Variants in SOS2 observed in about 807,000 individuals in gnomAD.
The protein encoded by SOS2 is SOS Ras/Rho guanine nucleotide exchange factor 2.
A neutral mutation model predicts 148.2 loss-of-function variants in SOS2; 65 were observed. The ratio of observed to expected loss-of-function variants is 0.44; its 90% CI spans 0.36 to 0.54. The LOEUF (loss-of-function observed/expected upper bound fraction) is 0.54. Among genes scored for constraint, SOS2 ranks in the 20% least tolerant of loss-of-function variants. The pLI is 0.00. For synonymous variants in SOS2, 539 were observed against 537.1 expected (o/e 1.00, Z -0.05); for missense variants, 1,341 against 1,590.2 (o/e 0.84, Z 2.67).
intron 10 of SOS2, 72 bp downstream of exon 10, chr14:50,159,359 T>C (rs1884925246): frequency 1.0e-6 from 1 of 971,156 alleles, no homozygotes; most frequent in Admixed American, 2.5e-5. Flanking sequence ...AAGCCTCAAA[T>C]ATTTTTGAGC....
In SOS2 at chr14:50,180,634, G is replaced by A. The variant is rs1566840605; in HGVS notation, c.907C>T (p.Pro303Ser). ...YETLSQDILS[P>S]EFHEHFNKLM... ...TTATTGAAATGTTCATGAAACTCTG[G>A]TGAAAGAATGTCCTGTGATAATGTT... is the stretch of plus-strand genomic sequence containing the variant. Residue 303 changes from proline to serine, a missense_variant, in exon 7 of 23, where the codon CCA (proline) becomes TCA (serine). This residue lies in a region of SOS2 where 574 missense variants were observed against 711.1 expected (regional missense o/e 0.81). Coordinates refer to ENST00000216373, the MANE Select transcript of SOS2 (RefSeq NM_006939.4). 4 of 1,605,168 alleles carry A rather than the reference G, an allele frequency of 2.5e-6. No homozygotes were observed. Among genetic ancestry groups the A allele is most frequent in the Admixed American group, 3.4e-5 (2 of 58,418 alleles).
chr14:50,174,567 G>T lies in SOS2; in HGVS notation c.970-15C>A. 24 of 1,505,696 alleles carry T rather than the reference G, an allele frequency of 1.6e-5. No individual in the cohort carries two copies. The highest frequency in any genetic ancestry group is 2.0e-5 in the Non-Finnish European group (22 of 1,085,764). 93.3% of individuals were successfully genotyped at this position (1,505,696 alleles called of 1,614,324 possible). ...TCAGCAATGGACTGCAAAGCAAAAA[G>T]ATATCACAGTATGTATGTCTCTGAC... On this transcript the variant is annotated splice_polypyrimidine_tract_variant and intron_variant, in intron 7 of 22. Coordinates refer to ENST00000216373, the MANE Select transcript of SOS2 (RefSeq NM_006939.4).
At chr14:50,226,017 CT>C (rs1232559488) in intron 1 of SOS2, among the ~76,000 whole-genome samples, 8 of 151,418 alleles carry the variant, frequency 5.3e-5, no homozygotes, top group Non-Finnish European at 1.0e-4. Flanking sequence ...CCCCCCCGCC[CT>C]TTTTTTTTCT....
rs1181118975 is a variant in SOS2, at chr14:50,150,017, T to G, written c.2375A>C (p.Asp792Ala). The G allele has an allele frequency of 3.1e-6, 5 of 1,599,306 alleles. No homozygotes were observed. Among genetic ancestry groups the G allele is most frequent in the South Asian group, 1.1e-5 (1 of 90,778 alleles). ...AACATTAATTGTCTACCTGTAAAGA[T>G]CAGACTCCAAAAGTGTCAGCTGACG... is the stretch of plus-strand genomic sequence containing the variant. The part of the protein sequence containing the change: ...IARQLTLLES[D>A]LYRKVQPSEL... Residue 792 changes from aspartate (D) to alanine (A), a missense_variant, in exon 14 of 23, where the codon GAT becomes GCT. Around this residue, in one of 4 missense-constraint regions of SOS2, gnomAD observed 408 missense variants for 506.6 expected, o/e 0.81. Coordinates refer to ENST00000216373, the MANE Select transcript of SOS2 (RefSeq NM_006939.4).
chr14:50,134,360 C>A (rs12882504), intron 18 of SOS2, 121 bp from the exon 19 acceptor site: 5 of 577,642 alleles, frequency 8.7e-6, no homozygotes, highest in Non-Finnish European at 1.5e-5. Context: ...AAAAATAACA[C>A]ATTAAGAGCC....
At chr14:50,175,747 T>A (rs1214449875) in intron 7 of SOS2, among the ~76,000 whole-genome samples, 1 of 152,118 alleles carries the variant, frequency 6.6e-6, no homozygotes, top group Non-Finnish European at 1.5e-5. Flanking sequence ...TCTATATAGT[T>A]CACTTACTAG....
chr14:50,128,801 G>A (rs1883769036), intron 21 of SOS2, among the ~76,000 whole-genome samples: 2 of 152,090 alleles, frequency 1.3e-5, no homozygotes, highest in Admixed American at 6.6e-5. Context: ...GGGAGGACAG[G>A]GTCTTGCTAT....
intron 21 of SOS2, 86 bp from the exon 22 acceptor site, chr14:50,120,470 G>T: frequency 1.4e-6 from 1 of 691,300 alleles, no homozygotes. Flanking sequence ...TTCTACCATG[G>T]CATTTGTCAG....
At chr14:50,206,600 G>C (rs1318610820) in intron 1 of SOS2, among the ~76,000 whole-genome samples, 8 of 152,148 alleles carry the variant, frequency 5.3e-5, no homozygotes, top group Non-Finnish European at 1.0e-4. Flanking sequence ...AAATACTGTT[G>C]ATCTGAGGTT....
At chr14:50,222,247 T>C (rs1887223211) in intron 1 of SOS2, among the ~76,000 whole-genome samples, 2 of 152,208 alleles carry the variant, frequency 1.3e-5, no homozygotes, top group Non-Finnish European at 2.9e-5. Context: ...TGAAAATTTC[T>C]AGATGTCAGC....
At chr14:50,129,843 T>A in intron 21 of SOS2, 118 bp downstream of exon 21, 2 of 617,312 alleles carry the variant, frequency 3.2e-6, no homozygotes, top group Non-Finnish European at 5.7e-6. Context: ...AATAATTAAA[T>A]TTATTTATAA....
chr14:50,193,599 A>G (rs192117627), intron 4 of SOS2, among the ~76,000 whole-genome samples: 6 of 152,234 alleles, frequency 3.9e-5, no homozygotes, highest in Admixed American at 2.6e-4. Flanking sequence ...ATCCCTAGAA[A>G]CCATATATTC....
In SOS2 at chr14:50,210,689, GA is replaced by G. The variant is rs34764427; in HGVS notation, c.88-6281del. Among the ~76,000 whole-genome samples the G allele has an allele frequency of 3.4e-4, 51 of 151,116 alleles. No homozygotes were observed. In the South Asian group the frequency reaches 9.8e-3, roughly 29 times the overall value. ...TAGAGAACTCCTAAAAATTCAGTAA[GA>G]AAAAAAATGATAAAAATCCCAAGAG... is the stretch of plus-strand genomic sequence containing the variant. On this transcript the variant is annotated intron_variant, in intron 1 of 22. Coordinates refer to ENST00000216373, the MANE Select transcript of SOS2 (RefSeq NM_006939.4).
chr14:50,227,820 C>CAT (rs1374839738), intron 1 of SOS2, among the ~76,000 whole-genome samples: 1 of 151,956 alleles, frequency 6.6e-6, no homozygotes, highest in Non-Finnish European at 1.5e-5. Context: ...TTGTCAAATA[C>CAT]ATATATATAT....
intron 16 of SOS2, among the ~76,000 whole-genome samples, chr14:50,144,626 T>C (rs1884405347): frequency 6.6e-6 from 1 of 151,724 alleles, no homozygotes; most frequent in Admixed American, 6.6e-5. Context: ...TTAGTAGAGA[T>C]GGGGTTTCGC....
At chr14:50,199,902 G>T in intron 3 of SOS2, 47 bp from the exon 4 acceptor site, 1 of 1,201,034 alleles carries the variant, frequency 8.3e-7, no homozygotes, top group Non-Finnish European at 1.2e-6. Flanking sequence ...GCACTGTCAA[G>T]TATTACACAC....
chr14:50,174,250 C>T (rs930277241), intron 8 of SOS2, among the ~76,000 whole-genome samples: 2 of 151,758 alleles, frequency 1.3e-5, no homozygotes, highest in Non-Finnish European at 2.9e-5. Context: ...TACAACACTG[C>T]ACAGAAAAAA....
chr14:50,176,270 G>A (rs947396094), intron 7 of SOS2, among the ~76,000 whole-genome samples: 1 of 152,200 alleles, frequency 6.6e-6, no homozygotes, highest in African/African-American at 2.4e-5. Context: ...TCCTAAATGT[G>A]AACTGTGAGA....
chr14:50,149,981 A>T (rs770389148), intron 14 of SOS2, 27 bp downstream of exon 14: 2 of 1,438,214 alleles, frequency 1.4e-6, no homozygotes, highest in South Asian at 1.1e-5. Context: ...TTAAAAATAA[A>T]GCAAGACATT....
Sources: gnomAD v4.1 joint callset for allele counts (sites outside exome capture counted in the v4.1 genomes callset) on GRCh38, gnomAD v4.1.1 for gene constraint, gnomAD v4.1.1 regional missense constraint, MANE v1.5 for transcripts, NCBI Gene and HGNC (gene_info 2026-07-23, HGNC 2026-07-21) for gene names.